Variants in ACVR2B observed in about 807,000 individuals in gnomAD.
ACVR2B encodes the protein activin receptor type-2B.
In ACVR2B, 18 loss-of-function variants were observed where a neutral mutation model predicts 65.1. The ratio of observed to expected loss-of-function variants is 0.28; its 90% CI spans 0.19 to 0.41. ACVR2B has a LOEUF of 0.41. ACVR2B is among the 10% of genes least tolerant of loss of function. The pLI, the probability that ACVR2B is intolerant of heterozygous loss-of-function variation, is 1.00. For missense variants in ACVR2B, 482 were observed against 682.7 expected (o/e 0.71, Z 3.28); for synonymous variants, 298 against 277.7 (o/e 1.07, Z -0.73).
Position 38,477,031 on chromosome 3 carries a change from C to T in ACVR2B, c.53-256C>T, listed in dbSNP as rs1709923424. 2 of 578,374 alleles carry T rather than the reference C, an allele frequency of 3.5e-6. No individual in the cohort carries two copies. Among genetic ancestry groups the T allele is most frequent in the Admixed American group, 3.0e-5 (1 of 33,280 alleles). The allele number at this position is 578,374 out of a possible 1,614,324, so 35.8% of individuals were successfully genotyped here. On this transcript the variant is annotated intron_variant, in intron 1 of 10. Coordinates refer to ENST00000352511, the MANE Select transcript of ACVR2B (RefSeq NM_001106.4). The surrounding 1 kb of genome is among the most constrained non-coding windows in gnomAD (Gnocchi z 6.7). ...GTGGCATTAGGTTTCCTGCCTCCTC[C>T]CTTTTGCTTAGGCCTAGGGGCAGCT...
Position 38,477,126 on chromosome 3 carries a change from A to G in ACVR2B, c.53-161A>G, listed in dbSNP as rs1330385335. On this transcript the variant is annotated intron_variant, in intron 1 of 10. Transcript: ENST00000352511. This position sits in a 1 kb window ranked among gnomAD's most constrained non-coding sequence, Gnocchi z 6.7. ...ACGTAAATTAAGAGGTGTGGGACGG[A>G]TGGGTGGCCTACGTCCAGGGGTGAG... 1 of 703,650 alleles carries G rather than the reference A, an allele frequency of 1.4e-6. No homozygotes were observed. The highest frequency in any genetic ancestry group is 2.4e-6 in the Non-Finnish European group (1 of 413,210). The allele number at this position is 703,650 out of a possible 1,614,324, so 43.6% of individuals were successfully genotyped here. A position where few individuals can be genotyped will look rare whatever the true frequency, so the allele number is the denominator to read the frequency against.
At chr3:38,464,828 G>A (rs527237963) in intron 1 of ACVR2B, among the ~76,000 whole-genome samples, 12 of 152,044 alleles carry the variant, frequency 7.9e-5, no homozygotes, top group South Asian at 4.2e-4. Flanking sequence ...AGACTGAGGC[G>A]GGGAGGATCA....
Position 38,491,810 on chromosome 3 carries a change from G to A in ACVR2B, c.*8478G>A, listed in dbSNP as rs146054746. On this transcript the variant is annotated 3_prime_UTR_variant, in exon 11 of 11. Transcript: ENST00000352511. The stretch of plus-strand genomic sequence containing the variant: ...TGTAAAAATGCAGAGAAAGTTGAGT[G>A]GTACTTCAGAATTGAGGGAGAGGGT... 1 of 152,108 alleles carries A rather than the reference G, an allele frequency of 6.6e-6. No individual in the cohort carries two copies. The highest frequency in any genetic ancestry group is 2.1e-4 in the South Asian group (1 of 4,828). The allele number at this position is 152,108 out of a possible 1,614,324, so 9.4% of individuals were successfully genotyped here. A position where few individuals can be genotyped will look rare whatever the true frequency, so the allele number is the denominator to read the frequency against.
rs1709500636 is a variant in ACVR2B, at chr3:38,454,203, A to G, written c.-120A>G. On this transcript the variant is annotated 5_prime_UTR_variant, in exon 1 of 11. Coordinates refer to ENST00000352511, the MANE Select transcript of ACVR2B (RefSeq NM_001106.4). ...CGAAGGCGCAGGAAGCGCGCAGGGA[A>G]CGAGACCGAAGGAAGGAGCGGGAAG... The G allele has an allele frequency of 3.0e-6, 2 of 669,612 alleles. No individual in the cohort carries two copies. The highest frequency in any genetic ancestry group is 1.3e-4 in the East Asian group (2 of 15,138). 41.5% of individuals were successfully genotyped at this position (669,612 alleles called of 1,614,324 possible). A position where few individuals can be genotyped will look rare whatever the true frequency, so the allele number is the denominator to read the frequency against.
rs759831972 is a variant in ACVR2B at position 38,479,812 on chromosome 3, G to T, written c.945G>T (p.Pro315=). 2 of 1,614,160 alleles carry T rather than the reference G, an allele frequency of 1.2e-6. No homozygotes were observed. The highest frequency in any genetic ancestry group is 1.7e-6 in the Non-Finnish European group (2 of 1,180,008). Residue 315 remains proline (P), a synonymous_variant, in exon 7 of 11, where the codon CCG becomes CCT. Coordinates refer to ENST00000352511, the MANE Select transcript of ACVR2B (RefSeq NM_001106.4). The stretch of plus-strand genomic sequence containing the variant: ...GGTGCCGTGGCGAGGGCCACAAGCC[G>T]TCTATTGCCCACAGGTACCTGGGTC... ...VPWCRGEGHK[P]SIAHRDFKSK... is the part of the protein sequence containing the mutation.
In ACVR2B at chr3:38,461,621, C is replaced by T. The variant is rs906986677; in HGVS notation, c.52+7247C>T. 5.9e-5 allele frequency among the ~76,000 whole-genome samples: 9 copies of T among 152,210 alleles called. No individual in the cohort carries two copies. In the Middle Eastern group the frequency reaches 0.014, roughly 230 times the overall value. The stretch of plus-strand genomic sequence containing the variant: ...CCTGAAACCTCGCATCCAAACCTCC[C>T]ATCACTGAGAGGTTAGCCACCCTGG... On this transcript the variant is annotated intron_variant, in intron 1 of 10. Coordinates refer to ENST00000352511, the MANE Select transcript of ACVR2B (RefSeq NM_001106.4).
chr3:38,463,795 G>A (rs961393185), intron 1 of ACVR2B, among the ~76,000 whole-genome samples: 1 of 152,164 alleles, frequency 6.6e-6, no homozygotes, highest in Non-Finnish European at 1.5e-5. Context: ...ACCATAGATT[G>A]GGTGGCTTAA....
chr3:38,479,278 C>T lies in ACVR2B; in HGVS notation c.810+7C>T. The T allele has an allele frequency of 2.5e-6, 4 of 1,614,088 alleles. No homozygotes were observed. Among genetic ancestry groups the T allele is most frequent in the Non-Finnish European group, 3.4e-6 (4 of 1,179,996 alleles). On this transcript the variant is annotated splice_region_variant and intron_variant, in intron 6 of 10. Coordinates refer to ENST00000352511, the MANE Select transcript of ACVR2B (RefSeq NM_001106.4). ...CACGGCCTTCCATGACAAGGTGAGC[C>T]ACACCCATCAGAATGGACTCTGAGA...
At chr3:38,459,125 G>T (rs1179854754) in intron 1 of ACVR2B, among the ~76,000 whole-genome samples, 1 of 152,310 alleles carries the variant, frequency 6.6e-6, no homozygotes, top group Non-Finnish European at 1.5e-5. Flanking sequence ...AGAAGTAGGG[G>T]TAACGGCTTT....
intron 1 of ACVR2B, among the ~76,000 whole-genome samples, chr3:38,462,341 T>C (rs1709662654): frequency 6.6e-6 from 1 of 152,162 alleles, no homozygotes; most frequent in Non-Finnish European, 1.5e-5. Context: ...CTAAGAAGCA[T>C]TTTCACAAAT....
Position 38,490,952 on chromosome 3 carries a change from G to A in ACVR2B, c.*7620G>A, listed in dbSNP as rs886058422. 1 of 152,576 alleles carries A rather than the reference G, an allele frequency of 6.6e-6. No homozygotes were observed. The highest frequency in any genetic ancestry group is 1.5e-5 in the Non-Finnish European group (1 of 68,036). The allele number at this position is 152,576 out of a possible 1,614,324, so 9.5% of individuals were successfully genotyped here. A position where few individuals can be genotyped will look rare whatever the true frequency, so the allele number is the denominator to read the frequency against. On this transcript the variant is annotated 3_prime_UTR_variant, in exon 11 of 11. Transcript: ENST00000352511. The stretch of plus-strand genomic sequence containing the variant: ...TCTTGTGTGTCTGAATAGGCAAAGC[G>A]ATTTAATTGGCTGGTCTTGCACGCA...
rs781509169 is a variant in ACVR2B at position 38,482,449 on chromosome 3, G to C, written c.1233G>C (p.Met411Ile). The C allele has an allele frequency of 6.2e-7, 1 of 1,612,760 alleles. No homozygotes were observed. The highest frequency in any genetic ancestry group is 1.1e-5 in the South Asian group (1 of 90,896). ...KAADGPVDEY[M>I]LPFEEEIGQH... is the part of the protein sequence containing the mutation. ...TCCTAGGACCCGTGGATGAGTACAT[G>C]CTGCCCTTTGAGGAAGAGATTGGCC... The change falls in exon 10 of 11, where the codon ATG becomes ATC. Residue 411 changes from methionine to isoleucine, a missense_variant. Physicochemically the swap from Met to Ile is conservative, Grantham distance 10. Around this residue, in one of 5 missense-constraint regions of ACVR2B, gnomAD observed 223 missense variants for 386.3 expected, o/e 0.58. Transcript: ENST00000352511.
chr3:38,455,391 AG>A (rs1214915414), intron 1 of ACVR2B, among the ~76,000 whole-genome samples: 4 of 151,840 alleles, frequency 2.6e-5, no homozygotes, highest in Non-Finnish European at 5.9e-5. Flanking sequence ...CTTTGTTCCC[AG>A]CCCCCATTAC....
Position 38,455,698 on chromosome 3 carries a change from A to T in ACVR2B, c.52+1324A>T, listed in dbSNP as rs1032904577. 4.6e-5 allele frequency among the ~76,000 whole-genome samples: 7 copies of T among 152,278 alleles called. No individual in the cohort carries two copies. The East Asian group carries it at 1.2e-3, about 25-fold the overall frequency. ...CAGCTGGCACCTGAGTACCGTATGG[A>T]AGAGGGCGTTGCAGCTCTCCTGGAG... is the stretch of plus-strand genomic sequence containing the variant. On this transcript the variant is annotated intron_variant, in intron 1 of 10. Transcript: ENST00000352511.
At chr3:38,473,921 G>T (rs1254491670) in intron 1 of ACVR2B, 3 of 152,374 alleles carry the variant, frequency 2.0e-5, no homozygotes, top group Non-Finnish European at 4.4e-5. Context: ...TGCTCTTGTT[G>T]CCCAGGCTGG....
chr3:38,471,372 AC>A lies in ACVR2B; in HGVS notation c.53-5911del, dbSNP rs532602640. On this transcript the variant is annotated intron_variant, in intron 1 of 10. Coordinates refer to ENST00000352511, the MANE Select transcript of ACVR2B (RefSeq NM_001106.4). Reference sequence around the variant, plus strand: ...GTACCATTTCACACTCACCAGGTGAACCCCAGGTGGGGGCTGTCATCTGTTG... The same window carrying A: ...GTACCATTTCACACTCACCAGGTGAACCCAGGTGGGGGCTGTCATCTGTTG... Among the ~76,000 whole-genome samples, 590 of 152,306 alleles carry A rather than the reference AC, an allele frequency of 3.9e-3. 6 individuals are homozygous for A. Among genetic ancestry groups the A allele is most frequent in the Non-Finnish European group, 4.7e-3 (320 of 68,022 alleles).
intron 1 of ACVR2B, among the ~76,000 whole-genome samples, chr3:38,471,305 A>G (rs1316436177): frequency 1.3e-5 from 2 of 152,246 alleles, no homozygotes; most frequent in Non-Finnish European, 2.9e-5. Context: ...CAAGAAGATG[A>G]TCAGTCTCAC....
Position 38,485,119 on chromosome 3 carries a change from G to T in ACVR2B, c.*1787G>T, listed in dbSNP as rs900492484. 6.6e-6 allele frequency: 1 copy of T among 152,338 alleles called. No homozygotes were observed. Among genetic ancestry groups the T allele is most frequent in the East Asian group, 1.9e-4 (1 of 5,184 alleles). The allele number at this position is 152,338 out of a possible 1,614,324, so 9.4% of individuals were successfully genotyped here. A position where few individuals can be genotyped will look rare whatever the true frequency, so the allele number is the denominator to read the frequency against. ...CTTCATCGTGAGGGTAGGCAAGGCG[G>T]GGGCCGTGGGGAGAGGTTGACCTGG... On this transcript the variant is annotated 3_prime_UTR_variant, in exon 11 of 11. Transcript: ENST00000352511.
chr3:38,478,042 C>A, intron 3 of ACVR2B, 72 bp downstream of exon 3: 1 of 1,598,606 alleles, frequency 6.3e-7, no homozygotes, highest in Non-Finnish European at 8.6e-7. Context: ...GCGCTTGGCT[C>A]CTCAGTTGGG....
Sources: allele counts gnomAD v4.1 joint callset (sites outside exome capture counted in the v4.1 genomes callset), GRCh38; gene constraint gnomAD v4.1.1; regional missense constraint gnomAD v4.1.1; non-coding constraint Gnocchi (gnomAD v3.1); transcripts MANE v1.5; gene names NCBI Gene and HGNC (gene_info 2026-07-23, HGNC 2026-07-21).